The following VPS37B variants were observed in gnomAD, a reference collection of about 807,000 sequenced individuals.
VPS37B encodes VPS37B subunit of ESCRT-I, also known as vacuolar protein sorting-associated protein 37B.
A neutral mutation model predicts 21.2 loss-of-function variants in VPS37B; 11 were observed. The ratio of observed to expected loss-of-function variants is 0.52; its 90% confidence interval spans 0.33 to 0.86. The LOEUF (loss-of-function observed/expected upper bound fraction) is 0.86, where lower values mean the gene tolerates loss of function less well. Among genes scored for constraint, VPS37B ranks in the 40% least tolerant of loss-of-function variants. The pLI, the probability that VPS37B is intolerant of heterozygous loss-of-function variation, is 0.03. For synonymous variants in VPS37B, 175 were observed against 159.6 expected, an observed-to-expected ratio of 1.10 and a Z score of -0.73; for missense variants, 389 against 374.8, an observed-to-expected ratio of 1.04 and a Z score of -0.31.
Position 122,868,195 on chromosome 12 carries a change from C to T in VPS37B, c.366+285G>A, listed in dbSNP as rs1006453296. On this transcript the variant is annotated intron_variant, in intron 3 of 3. Coordinates refer to ENST00000267202, the MANE Select transcript of VPS37B (RefSeq NM_024667.3). The surrounding 1 kb of genome is among the most constrained non-coding windows in gnomAD (Gnocchi z 5.5). ...CCCAGCTGGCCCTTGAACGACGGCA[C>T]GTGGTAATCCGCCACTGGCCCCAGG... Among the ~76,000 whole-genome samples, 14 of 152,340 alleles carry T rather than the reference C, an allele frequency of 9.2e-5. No individual in the cohort carries two copies. The highest frequency in any genetic ancestry group is 3.9e-4 in the Admixed American group (6 of 15,304).
intron 1 of VPS37B, chr12:122,871,751 GAGA>G (rs1473147462): frequency 1.0e-6 from 1 of 973,444 alleles, no homozygotes; most frequent in Non-Finnish European, 1.2e-6. Flanking sequence ...CTGGTAGGTA[GAGA>G]AGAAGCCACA....
chr12:122,891,910 TG>T (rs1376623961), intron 1 of VPS37B, among the ~76,000 whole-genome samples: 10 of 152,248 alleles, frequency 6.6e-5, no homozygotes, highest in Non-Finnish European at 1.0e-4. Context: ...CATGCGGGCA[TG>T]GGCATTTTCA....
At chr12:122,871,810 A>G (rs1323201029) in intron 1 of VPS37B, 1 of 979,816 alleles carries the variant, frequency 1.0e-6, no homozygotes, top group Non-Finnish European at 1.2e-6. Flanking sequence ...GGTCTGAGAA[A>G]AAAAGGCAAA....
chr12:122,871,087 G>A, intron 1 of VPS37B, 26 bp from the exon 2 acceptor site: 1 of 1,610,912 alleles, frequency 6.2e-7, no homozygotes, highest in Non-Finnish European at 8.5e-7. Context: ...AAGATGATGA[G>A]AACCAAAAGT....
Position 122,867,749 on chromosome 12 carries a change from C to T in VPS37B, c.367-142G>A. On this transcript the variant is annotated intron_variant, in intron 3 of 3. Coordinates refer to ENST00000267202, the MANE Select transcript of VPS37B (RefSeq NM_024667.3). This position sits in a 1 kb window ranked among gnomAD's most constrained non-coding sequence, Gnocchi z 5.5. Reference sequence around the variant, plus strand: ...AACCACCCAGAGGGCCTCGCTCCTGCTCCAGATCCCAGAGGTCATGGGCTC... The same window carrying T: ...AACCACCCAGAGGGCCTCGCTCCTGTTCCAGATCCCAGAGGTCATGGGCTC... 9.0e-7 allele frequency: 1 copy of T among 1,109,108 alleles called. No individual in the cohort carries two copies. 68.7% of individuals were successfully genotyped at this position (1,109,108 alleles called of 1,614,324 possible).
chr12:122,895,911 C>G (rs569775765), intron 1 of VPS37B, 41 bp downstream of exon 1: 2 of 1,583,026 alleles, frequency 1.3e-6, no homozygotes, highest in South Asian at 2.2e-5. Flanking sequence ...GAACCCCGCT[C>G]GAGGCCTCAC....
intron 1 of VPS37B, among the ~76,000 whole-genome samples, chr12:122,894,007 G>A (rs2034453567): frequency 6.6e-6 from 1 of 152,056 alleles, no homozygotes; most frequent in Non-Finnish European, 1.5e-5. Context: ...TTCTATTAAT[G>A]TTCCACCAAC....
chr12:122,877,151 TACA>T (rs2034165241), intron 1 of VPS37B: 1 of 152,210 alleles, frequency 6.6e-6, no homozygotes, highest in Admixed American at 6.5e-5. Flanking sequence ...ATATAATACT[TACA>T]ACAACTAAGT....
Position 122,896,059 on chromosome 12 carries a change from C to G in VPS37B, c.4G>C (p.Ala2Pro). The change falls in exon 1 of 4, where the codon GCG becomes CCG. Residue 2 changes from alanine (A) to proline (P), a missense_variant. Coordinates refer to ENST00000267202, the MANE Select transcript of VPS37B (RefSeq NM_024667.3). ...AACCGGGCTTCGCTCCCGGCGCCCG[C>G]CATCCCCACGTCTCGGCCGTCGTCG... M[A>P]GAGSEARFAG... The G allele has an allele frequency of 6.3e-7, 1 of 1,580,058 alleles. No individual in the cohort carries two copies. The highest frequency in any genetic ancestry group is 1.4e-5 in the African/African-American group (1 of 71,356).
intron 1 of VPS37B, chr12:122,872,031 C>T: frequency 1.0e-6 from 1 of 985,420 alleles, no homozygotes; most frequent in Non-Finnish European, 1.2e-6. Context: ...TCTTCAACGC[C>T]ACCCCAGTCA....
At chr12:122,881,337 C>G (rs1566129287) in intron 1 of VPS37B, 1 of 152,270 alleles carries the variant, frequency 6.6e-6, no homozygotes, top group Non-Finnish European at 1.5e-5. Flanking sequence ...AACTACTGTG[C>G]AGTGGCTCAC....
At chr12:122,884,296 T>G (rs1324508302) in intron 1 of VPS37B, 1 of 152,224 alleles carries the variant, frequency 6.6e-6, no homozygotes, top group Non-Finnish European at 1.5e-5. Flanking sequence ...GGACACCGGA[T>G]AAGCAATCAG....
chr12:122,887,544 T>A (rs2034346385), intron 1 of VPS37B: 1 of 152,290 alleles, frequency 6.6e-6, no homozygotes, highest in African/African-American at 2.4e-5. Context: ...TCTCCCTCAT[T>A]ACCTGGCTAA....
At chr12:122,880,089 A>C (rs1484227969) in intron 1 of VPS37B, 1 of 152,202 alleles carries the variant, frequency 6.6e-6, no homozygotes, top group African/African-American at 2.4e-5. Flanking sequence ...ACTCCAAAAA[A>C]AACTTGCTCA....
Position 122,871,134 on chromosome 12 carries a change from C to T in VPS37B, c.112-73G>A, listed in dbSNP as rs374210165. The stretch of plus-strand genomic sequence containing the variant: ...TAAACCCCTGAGGTCCCCACGCACA[C>T]CCCAGGAGCCCAGTGCAGCTGCTGC... On this transcript the variant is annotated intron_variant, in intron 1 of 3. Coordinates refer to ENST00000267202, the MANE Select transcript of VPS37B (RefSeq NM_024667.3). 1.9e-5 allele frequency: 29 copies of T among 1,550,948 alleles called. No individual in the cohort carries two copies. The African/African-American group carries it at 3.8e-4, about 21-fold the overall frequency.
At chr12:122,871,841 C>T in intron 1 of VPS37B, 9 of 984,294 alleles carry the variant, frequency 9.1e-6, no homozygotes, top group Non-Finnish European at 1.1e-5. Context: ...CAAAACTTAG[C>T]CAAAGTTTAA....
intron 1 of VPS37B, among the ~76,000 whole-genome samples, chr12:122,891,385 C>G (rs1185078171): frequency 6.6e-6 from 1 of 152,208 alleles, no homozygotes; most frequent in African/African-American, 2.4e-5. Context: ...AAAAGATAGG[C>G]ATATTATCCT....
Position 122,867,344 on chromosome 12 carries a change from T to C in VPS37B, c.630A>G (p.Pro210=), listed in dbSNP as rs756974925. 2 of 431,086 alleles carry C rather than the reference T, an allele frequency of 4.6e-6. No individual in the cohort carries two copies. The highest frequency in any genetic ancestry group is 3.9e-6 in the Non-Finnish European group (1 of 254,104). 26.7% of individuals were successfully genotyped at this position (431,086 alleles called of 1,614,324 possible). The change falls in exon 4 of 4, where the codon CCA becomes CCG. Residue 210 remains proline (P), a synonymous_variant. Coordinates refer to ENST00000267202, the MANE Select transcript of VPS37B (RefSeq NM_024667.3). The surrounding 1 kb of genome is among the most constrained non-coding windows in gnomAD (Gnocchi z 5.5). ...AGCGTCCCGCAGGCACCGGGGGTGG[T>C]GGGGGGGGGATGCGCCGAGGTGCAA... ...PAVAPRRIPP[P]PPPVPAGRLA... is the part of the protein sequence containing the mutation.
intron 1 of VPS37B, chr12:122,871,749 T>C (rs754282477): frequency 8.2e-6 from 8 of 974,398 alleles, no homozygotes; most frequent in Admixed American, 6.1e-5. Context: ...CCCTGGTAGG[T>C]AGAGAAGAAG....
Sources: allele counts gnomAD v4.1 joint callset (sites outside exome capture counted in the v4.1 genomes callset), GRCh38; gene constraint gnomAD v4.1.1; non-coding constraint Gnocchi (gnomAD v3.1); transcripts MANE v1.5; gene names NCBI Gene and HGNC (gene_info 2026-07-23, HGNC 2026-07-21).